The following GRM7 variants were observed in gnomAD, a reference collection of about 807,000 sequenced individuals.
GRM7 encodes the protein metabotropic glutamate receptor 7.
In GRM7, 35 loss-of-function variants were observed where a neutral mutation model predicts 84.5. The ratio of observed to expected loss-of-function variants is 0.41; its 90% CI spans 0.32 to 0.55. The LOEUF (loss-of-function observed/expected upper bound fraction) is 0.55. Ranked by LOEUF, GRM7 falls within the 20% of genes least tolerant of loss-of-function variation. GRM7 has a pLI of 0.19. For missense variants in GRM7, 1,003 were observed against 1,194.6 expected, an observed-to-expected ratio of 0.84 and a Z score of 2.36; for synonymous variants, 487 against 455.1, an observed-to-expected ratio of 1.07 and a Z score of -0.89.
intron 7 of GRM7, among the ~76,000 whole-genome samples, chr3:7,550,624 C>G (rs1205674059): frequency 1.5e-5 from 2 of 129,738 alleles, no homozygotes; most frequent in African/African-American, 6.3e-5. Flanking sequence ...TGTGTATTTT[C>G]TCCTTCCACC....
At chr3:7,232,622 TTG>T (rs1412991083) in intron 2 of GRM7, among the ~76,000 whole-genome samples, 5 of 152,180 alleles carry the variant, frequency 3.3e-5, no homozygotes, top group Admixed American at 3.3e-4. Context: ...CTCTTGCAGT[TTG>T]TAATGAGAGG....
Position 7,392,947 on chromosome 3 carries a change from C to T in GRM7, c.1034-22076C>T, listed in dbSNP as rs1027788955. ...TCCACATGGGTCCTTGGCTGGGCAGCGGCTGCAGACACATCAGCCTGAACT... is the reference window on the plus strand; with the variant it reads ...TCCACATGGGTCCTTGGCTGGGCAGTGGCTGCAGACACATCAGCCTGAACT... On this transcript the variant is annotated intron_variant, in intron 4 of 9. Transcript: ENST00000357716. 9.2e-5 allele frequency among the ~76,000 whole-genome samples: 14 copies of T among 152,088 alleles called. No individual in the cohort carries two copies. The East Asian group carries it at 1.2e-3, about 13-fold the overall frequency.
intron 8 of GRM7, among the ~76,000 whole-genome samples, chr3:7,640,103 G>A (rs1334197355): frequency 1.3e-5 from 2 of 152,126 alleles, no homozygotes; most frequent in Non-Finnish European, 2.9e-5. Context: ...TTTTGGGCAA[G>A]GTTCCACACT....
chr3:7,339,364 A>G (rs1431931312), intron 4 of GRM7, among the ~76,000 whole-genome samples: 1 of 152,110 alleles, frequency 6.6e-6, no homozygotes, highest in Non-Finnish European at 1.5e-5. Flanking sequence ...GACATGGGAA[A>G]TACACCCTGT....
chr3:7,694,233 G>A (rs1030262146), intron 9 of GRM7: 1 of 152,622 alleles, frequency 6.6e-6, no homozygotes, highest in African/African-American at 2.4e-5. Flanking sequence ...TCATATGGTA[G>A]TAGTGAGAAA....
chr3:7,682,336 C>CAAAAAAAAAAAAAAAAAAAAA (rs905940773), intron 9 of GRM7: 3 of 51,078 alleles, frequency 5.9e-5, no homozygotes, highest in Non-Finnish European at 1.3e-4. Context: ...AACTCCATCT[C>CAAAAAAAAAAAAAAAAAAAAA]AAAAAAAAAA....
intron 1 of GRM7, among the ~76,000 whole-genome samples, chr3:7,124,582 T>C (rs2125046985): frequency 6.6e-6 from 1 of 152,320 alleles, no homozygotes; most frequent in East Asian, 1.9e-4. Flanking sequence ...AGTTTCCTAA[T>C]AATTGATAAA....
chr3:6,943,232 A>G (rs994911898), intron 1 of GRM7, among the ~76,000 whole-genome samples: 1 of 151,470 alleles, frequency 6.6e-6, no homozygotes, highest in Non-Finnish European at 1.5e-5. Flanking sequence ...ATTTATATAT[A>G]TTTTTTCTTT....
intron 4 of GRM7, among the ~76,000 whole-genome samples, chr3:7,309,344 G>T (rs1700310142): frequency 6.6e-6 from 1 of 152,078 alleles, no homozygotes; most frequent in Non-Finnish European, 1.5e-5. Flanking sequence ...AGCCTATGTG[G>T]GCAAGTAAGT....
At chr3:7,726,174 A>C (rs1388022929) in intron 9 of GRM7, among the ~76,000 whole-genome samples, 1 of 152,100 alleles carries the variant, frequency 6.6e-6, no homozygotes, top group African/African-American at 2.4e-5. Context: ...AAATGGGGGT[A>C]TTAGATTGCG....
chr3:7,398,041 A>G (rs1695288127), intron 4 of GRM7, among the ~76,000 whole-genome samples: 1 of 152,218 alleles, frequency 6.6e-6, no homozygotes, highest in South Asian at 2.1e-4. Flanking sequence ...GTAAAAGACG[A>G]AAAGAAAGAA....
At chr3:7,729,684 A>C (rs1702243023) in intron 9 of GRM7, among the ~76,000 whole-genome samples, 1 of 152,092 alleles carries the variant, frequency 6.6e-6, no homozygotes, top group Admixed American at 6.6e-5. Flanking sequence ...AGTGCCGTGA[A>C]TAAAGAGAAT....
At chr3:7,167,147 C>T (rs775048952) in intron 2 of GRM7, among the ~76,000 whole-genome samples, 7 of 152,176 alleles carry the variant, frequency 4.6e-5, no homozygotes, top group Admixed American at 1.3e-4. Flanking sequence ...TCAAATATTT[C>T]CTCATCAGCA....
At chr3:7,575,060 C>G (rs1385829372) in intron 7 of GRM7, among the ~76,000 whole-genome samples, 1 of 152,172 alleles carries the variant, frequency 6.6e-6, no homozygotes, top group Non-Finnish European at 1.5e-5. Context: ...TTGACCAGAA[C>G]TGCATAATTT....
In GRM7 at chr3:7,578,649, C is replaced by A. The variant is rs375970414; in HGVS notation, c.1743C>A (p.Ile581=). 18 of 1,613,762 alleles carry A rather than the reference C, an allele frequency of 1.1e-5. No homozygotes were observed. The Admixed American group carries it at 1.2e-4, about 10-fold the overall frequency. Residue 581 remains isoleucine, a synonymous_variant, in exon 8 of 10, where the codon ATC becomes ATA. Coordinates refer to ENST00000357716, the MANE Select transcript of GRM7 (RefSeq NM_000844.4). The part of the protein sequence containing the change: ...ENRTGCQDIP[I]IKLEWHSPWA... ...GAACCGGATGCCAGGATATTCCCATCATCAAACTGGAGTGGCACTCCCCCT... is the reference window on the plus strand; with the variant it reads ...GAACCGGATGCCAGGATATTCCCATAATCAAACTGGAGTGGCACTCCCCCT...
intron 8 of GRM7, among the ~76,000 whole-genome samples, chr3:7,671,673 CTCTA>C (rs1219912643): frequency 6.6e-6 from 1 of 151,186 alleles, no homozygotes; most frequent in Non-Finnish European, 1.5e-5. Context: ...GTGAGTGTAT[CTCTA>C]TCTGTCTATC....
intron 2 of GRM7, among the ~76,000 whole-genome samples, chr3:7,275,537 C>A (rs1699020692): frequency 2.0e-5 from 3 of 152,138 alleles, no homozygotes; most frequent in Admixed American, 2.0e-4. Flanking sequence ...TCCTGCCCTT[C>A]CTCATTAAGT....
At chr3:7,396,853 A>G (rs1239889332) in intron 4 of GRM7, among the ~76,000 whole-genome samples, 1 of 152,154 alleles carries the variant, frequency 6.6e-6, no homozygotes, top group Non-Finnish European at 1.5e-5. Flanking sequence ...GTGTATTAAA[A>G]TAGTTTCGTA....
At chr3:7,301,081 A>G (rs1699983169) in intron 3 of GRM7, among the ~76,000 whole-genome samples, 1 of 152,084 alleles carries the variant, frequency 6.6e-6, no homozygotes, top group Admixed American at 6.5e-5. Flanking sequence ...ATCTACATTC[A>G]TCCAGTTCTC....
Sources: allele counts gnomAD v4.1 joint callset (sites outside exome capture counted in the v4.1 genomes callset), GRCh38; gene constraint gnomAD v4.1.1; transcripts MANE v1.5; gene names NCBI Gene and HGNC (gene_info 2026-07-23, HGNC 2026-07-21).